CNTN4: variants seen among roughly 807,000 people sequenced by gnomAD.
CNTN4 encodes the protein contactin-4.
In CNTN4, 77 loss-of-function variants were observed where a neutral mutation model predicts 122.5. That is an observed-to-expected ratio of 0.63 (90% confidence interval 0.52 to 0.76). The LOEUF is 0.76. CNTN4 is among the 30% of genes least tolerant of loss of function. CNTN4 has a pLI of 0.00. For synonymous variants in CNTN4, 512 were observed against 447.0 expected, an observed-to-expected ratio of 1.15 and a Z score of -1.83; for missense variants, 1,256 against 1,259.1, an observed-to-expected ratio of 1.00 and a Z score of 0.04.
intron 4 of CNTN4, among the ~76,000 whole-genome samples, chr3:2,655,492 A>G (rs1374084521): frequency 6.6e-6 from 1 of 152,146 alleles, no homozygotes; most frequent in East Asian, 1.9e-4. Flanking sequence ...ACTGTACTGC[A>G]GCATTATCTC....
At chr3:2,321,914 A>G (rs973948858) in intron 2 of CNTN4, among the ~76,000 whole-genome samples, 1 of 152,322 alleles carries the variant, frequency 6.6e-6, no homozygotes, top group Admixed American at 6.5e-5. Context: ...GTATTTGTGT[A>G]TTAAAAACCC....
chr3:2,183,369 G>T (rs1575023894), intron 2 of CNTN4, among the ~76,000 whole-genome samples: 2 of 152,010 alleles, frequency 1.3e-5, no homozygotes, highest in East Asian at 3.9e-4. Context: ...TTTTCTCTTG[G>T]TTCCCAGAGA....
chr3:2,110,889 G>T (rs953794935), intron 2 of CNTN4, among the ~76,000 whole-genome samples: 1 of 152,112 alleles, frequency 6.6e-6, no homozygotes, highest in Admixed American at 6.6e-5. Context: ...TGATAATATT[G>T]TGACATGTAT....
intron 4 of CNTN4, among the ~76,000 whole-genome samples, chr3:2,579,947 G>T (rs1447599704): frequency 6.6e-6 from 1 of 151,918 alleles, no homozygotes; most frequent in Non-Finnish European, 1.5e-5. Flanking sequence ...GTTAGAACAG[G>T]GTTTACAGCA....
intron 2 of CNTN4, among the ~76,000 whole-genome samples, chr3:2,133,752 G>A (rs1262299541): frequency 6.8e-6 from 1 of 147,614 alleles, no homozygotes; most frequent in Non-Finnish European, 1.5e-5. Context: ...TTGAATTGTT[G>A]TTAGGAAATT....
intron 3 of CNTN4, among the ~76,000 whole-genome samples, chr3:2,508,142 C>T (rs1429333264): frequency 2.6e-5 from 4 of 152,146 alleles, no homozygotes; most frequent in African/African-American, 4.8e-5. Flanking sequence ...TTCTTATGTG[C>T]GTCCATACTT....
chr3:2,939,358 G>C (rs2094592935), intron 13 of CNTN4, among the ~76,000 whole-genome samples: 1 of 150,076 alleles, frequency 6.7e-6, no homozygotes, highest in Admixed American at 6.6e-5. Context: ...AAATAGAGTA[G>C]GTGTGTGTGG....
intron 2 of CNTN4, among the ~76,000 whole-genome samples, chr3:2,310,781 C>T (rs1014431724): frequency 4.6e-5 from 7 of 152,158 alleles, no homozygotes; most frequent in African/African-American, 1.7e-4. Flanking sequence ...CTCACTCGTT[C>T]TGTGCTCTCA....
chr3:2,115,039 T>A (rs890551437), intron 2 of CNTN4, among the ~76,000 whole-genome samples: 15 of 152,176 alleles, frequency 9.9e-5, no homozygotes, highest in African/African-American at 3.4e-4. Flanking sequence ...TGCAGTCTTG[T>A]GTGATGATGA....
chr3:2,209,627 A>G (rs2038518355), intron 2 of CNTN4, among the ~76,000 whole-genome samples: 1 of 152,142 alleles, frequency 6.6e-6, no homozygotes, highest in South Asian at 2.1e-4. Flanking sequence ...GTATCTTCCC[A>G]TTGAAAAGGC....
chr3:2,818,090 G>C (rs990233140), intron 6 of CNTN4, among the ~76,000 whole-genome samples: 1 of 152,186 alleles, frequency 6.6e-6, no homozygotes, highest in East Asian at 1.9e-4. Context: ...CTGATTAGGT[G>C]TTATGTGTCA....
At chr3:2,574,572 CA>C (rs1244801798) in intron 4 of CNTN4, among the ~76,000 whole-genome samples, 1 of 152,002 alleles carries the variant, frequency 6.6e-6, no homozygotes, top group Non-Finnish European at 1.5e-5. Context: ...TCAAATAAAC[CA>C]AAACTATTGA....
chr3:2,123,140 A>ACCC (rs1459890264), intron 2 of CNTN4, among the ~76,000 whole-genome samples: 3 of 152,172 alleles, frequency 2.0e-5, no homozygotes, highest in Non-Finnish European at 2.9e-5. Flanking sequence ...GTTTATGGTA[A>ACCC]ATTATAGCTC....
intron 3 of CNTN4, among the ~76,000 whole-genome samples, chr3:2,561,199 A>G (rs1366915824): frequency 6.6e-6 from 1 of 152,178 alleles, no homozygotes; most frequent in Non-Finnish European, 1.5e-5. Flanking sequence ...TTAGGTGATT[A>G]AAAAATGCCT....
At chr3:2,784,074 A>C (rs1029068520) in intron 6 of CNTN4, among the ~76,000 whole-genome samples, 10 of 152,332 alleles carry the variant, frequency 6.6e-5, no homozygotes, top group African/African-American at 1.7e-4. Flanking sequence ...GGTTATCTTT[A>C]CTATATTACC....
chr3:2,330,062 C>G (rs1449133136), intron 2 of CNTN4, among the ~76,000 whole-genome samples: 1 of 152,110 alleles, frequency 6.6e-6, no homozygotes, highest in Non-Finnish European at 1.5e-5. Context: ...ATCGGGCTCC[C>G]CAGAACTTCT....
chr3:2,390,603 G>A (rs978843722), intron 3 of CNTN4, among the ~76,000 whole-genome samples: 8 of 152,048 alleles, frequency 5.3e-5, no homozygotes, highest in African/African-American at 1.4e-4. Context: ...TAGAGCTTAT[G>A]GGTTCCACTT....
chr3:2,729,371 C>T (rs9826122), intron 4 of CNTN4, among the ~76,000 whole-genome samples: 30,363 of 147,120 alleles, frequency 0.21, 3,786 homozygotes, highest in African/African-American at 0.34. Flanking sequence ...GAGACCATCC[C>T]GGCTAACACA....
chr3:2,340,216 A>G (rs1026700406), intron 3 of CNTN4, among the ~76,000 whole-genome samples: 1 of 152,198 alleles, frequency 6.6e-6, no homozygotes, highest in African/African-American at 2.4e-5. Flanking sequence ...AGTATGCCTA[A>G]AAAGAGAGTC....
Sources: allele counts gnomAD v4.1 joint callset (sites outside exome capture counted in the v4.1 genomes callset), GRCh38; gene constraint gnomAD v4.1.1; transcripts MANE v1.5; gene names NCBI Gene and HGNC (gene_info 2026-07-23, HGNC 2026-07-21).